The following POLR2F variants were observed in gnomAD, a reference collection of about 807,000 sequenced individuals.
POLR2F encodes RNA polymerase II, I and III subunit F, also known as DNA-directed RNA polymerases I, II, and III subunit RPABC2.
A neutral mutation model predicts 22.7 loss-of-function variants in POLR2F; 12 were observed. The observed-to-expected ratio is 0.53, with a 90% confidence interval of 0.34 to 0.86. POLR2F has a LOEUF of 0.86. Among genes scored for constraint, POLR2F ranks in the 40% least tolerant of loss-of-function variants. The probability of loss-of-function intolerance (pLI) is 0.02; values close to 1 mark genes in which losing one functional copy is unlikely to be tolerated. For synonymous variants in POLR2F, 57 were observed against 66.0 expected, an observed-to-expected ratio of 0.86 and a Z score of 0.66; for missense variants, 126 against 171.5, an observed-to-expected ratio of 0.73 and a Z score of 1.48.
At chr22:37,973,792 G>T (rs1176071852), downstream of POLR2F, 2 of 1,596,596 alleles carry the variant, frequency 1.3e-6, no homozygotes, top group African/African-American at 2.7e-5. Flanking sequence ...GGTCGGTGTA[G>T]TGTGGGGGCC....
upstream of POLR2F, among the ~76,000 whole-genome samples, chr22:37,985,820 C>CG (rs1372141029): frequency 5.7e-5 from 1 of 17,684 alleles, no homozygotes; most frequent in African/African-American, 2.8e-4. Flanking sequence ...GACACTGGAA[C>CG]ACACACACAC....
chr22:37,973,502 C>A (rs778694073), downstream of POLR2F: 12 of 1,594,398 alleles, frequency 7.5e-6, no homozygotes, highest in South Asian at 1.1e-5. Context: ...CCTTTAGGGC[C>A]GGGACAGTGT....
At chr22:38,012,990 G>A (rs1276936817) in intron 1 of POLR2F, among the ~76,000 whole-genome samples, 1 of 152,134 alleles carries the variant, frequency 6.6e-6, no homozygotes, top group African/African-American at 2.4e-5. Context: ...ACTAAGTCCA[G>A]TTCTCACTCA....
chr22:38,034,759 GAGTC>G (rs1194533096), intron 5 of POLR2F, among the ~76,000 whole-genome samples: 4 of 152,202 alleles, frequency 2.6e-5, no homozygotes, highest in Admixed American at 1.3e-4. Context: ...TCGGAACAAT[GAGTC>G]AGAAGCAGCC....
intron 1 of POLR2F, among the ~76,000 whole-genome samples, chr22:37,954,837 G>A (rs1423719973): frequency 6.6e-6 from 1 of 152,154 alleles, no homozygotes; most frequent in African/African-American, 2.4e-5. Flanking sequence ...ATGACCCGTG[G>A]CTGAGCATTA....
chr22:38,009,474 G>A (rs2084853302), intron 1 of POLR2F, among the ~76,000 whole-genome samples: 1 of 152,158 alleles, frequency 6.6e-6, no homozygotes, highest in South Asian at 2.1e-4. Context: ...GGTTGGGTTT[G>A]GTTTTCCTTT....
rs1330216264 is a variant in POLR2F at position 37,953,737 on chromosome 22, G to T, written c.-51G>T. The T allele has an allele frequency of 1.3e-5, 21 of 1,592,148 alleles. No homozygotes were observed. In the East Asian group the frequency reaches 1.6e-4, roughly 12 times the overall value. The stretch of plus-strand genomic sequence containing the variant: ...CGCGAGTCGTAGTGTCGCTGTTTGC[G>T]GGTCTCCGCGCGGGACCGGGGCGCA... On this transcript the variant is annotated 5_prime_UTR_variant, in exon 1 of 5. Coordinates refer to ENST00000442738, the MANE Select transcript of POLR2F (RefSeq NM_021974.5).
downstream of POLR2F, chr22:37,970,546 G>T (rs1932016830): frequency 7.1e-6 from 1 of 140,896 alleles, no homozygotes; most frequent in African/African-American, 2.7e-5. Flanking sequence ...GACAGAAGTT[G>T]CAGGGAGCCA....
At chr22:38,011,972 C>A (rs1040386516) in intron 1 of POLR2F, among the ~76,000 whole-genome samples, 2 of 151,210 alleles carry the variant, frequency 1.3e-5, no homozygotes, top group Non-Finnish European at 2.9e-5. Context: ...AATTTTATTT[C>A]TTTTTTCAGC....
chr22:37,976,762 A>G (rs1335812938), intron 4 of POLR2F, among the ~76,000 whole-genome samples: 1 of 152,374 alleles, frequency 6.6e-6, no homozygotes, highest in East Asian at 1.9e-4. Flanking sequence ...ACATAAGGCA[A>G]CTAGCACCTA....
chr22:38,036,054 C>T (rs1293961842), intron 5 of POLR2F, among the ~76,000 whole-genome samples: 1 of 150,466 alleles, frequency 6.6e-6, no homozygotes, highest in Non-Finnish European at 1.5e-5. Flanking sequence ...TGGCTCAATG[C>T]AACCTCCGCC....
chr22:38,000,077 G>A (rs542063812), intron 1 of POLR2F, among the ~76,000 whole-genome samples: 45 of 152,278 alleles, frequency 3.0e-4, no homozygotes, highest in Middle Eastern at 3.4e-3. Context: ...GTGTGCCAGC[G>A]TCATTTCCAT....
chr22:38,010,328 T>C (rs1025023603), intron 1 of POLR2F, among the ~76,000 whole-genome samples: 3 of 151,708 alleles, frequency 2.0e-5, no homozygotes, highest in Non-Finnish European at 4.4e-5. Context: ...TGAGCTATGA[T>C]TGCAGCACTG....
At chr22:38,031,112 A>T (rs919082944), downstream of POLR2F, among the ~76,000 whole-genome samples, 2 of 151,552 alleles carry the variant, frequency 1.3e-5, no homozygotes, top group Admixed American at 1.3e-4. The surrounding 1 kb of genome is among the most constrained non-coding windows in gnomAD (Gnocchi z 4.1). Flanking sequence ...CCCTTGGGAA[A>T]CTCCTACTAC....
At chr22:37,977,913 T>G (rs769571876) in intron 4 of POLR2F, 35 of 1,612,906 alleles carry the variant, frequency 2.2e-5, no homozygotes, top group Non-Finnish European at 2.7e-5. Flanking sequence ...AGCCCTCTCC[T>G]GGGTGCCGGT....
At chr22:37,999,209 G>A (rs756116726) in intron 1 of POLR2F, among the ~76,000 whole-genome samples, 8 of 152,176 alleles carry the variant, frequency 5.3e-5, no homozygotes, top group Non-Finnish European at 1.0e-4. Flanking sequence ...GTGCTGTGGA[G>A]TGCCAGCCTG....
upstream of POLR2F, chr22:37,985,971 C>G (rs1932560354): frequency 6.2e-6 from 6 of 974,360 alleles, no homozygotes; most frequent in South Asian, 3.7e-5. Context: ...CTTGGACAAT[C>G]TCCCCCCAGT....
chr22:38,026,738 G>A (rs923127774), downstream of POLR2F: 1 of 186,410 alleles, frequency 5.4e-6, no homozygotes, highest in African/African-American at 2.4e-5. Context: ...TCTGTGCCCA[G>A]GCAGGCTGCT....
intron 1 of POLR2F, chr22:37,987,637 T>C: frequency 6.8e-6 from 2 of 294,572 alleles, no homozygotes; most frequent in South Asian, 3.3e-5. Context: ...TCTGGTCAAG[T>C]TGAGGCTCTG....
Sources: allele counts gnomAD v4.1 joint callset (sites outside exome capture counted in the v4.1 genomes callset), GRCh38; gene constraint gnomAD v4.1.1; non-coding constraint Gnocchi (gnomAD v3.1); transcripts MANE v1.5; gene names NCBI Gene and HGNC (gene_info 2026-07-23, HGNC 2026-07-21).